Variants in TTC6 observed in about 807,000 individuals in gnomAD.
TTC6 encodes tetratricopeptide repeat protein 6.
TTC6 carries 172 observed loss-of-function variants against 210.4 expected under a neutral mutation model. The observed-to-expected ratio is 0.82, with a 90% CI of 0.72 to 0.93. The LOEUF is 0.93. Ranked by LOEUF, TTC6 falls within the 40% of genes least tolerant of loss-of-function variation. The pLI, the probability that TTC6 is intolerant of heterozygous loss-of-function variation, is 0.00. For synonymous variants in TTC6, 804 were observed against 819.6 expected, an observed-to-expected ratio of 0.98 and a Z score of 0.32; for missense variants, 2,414 against 2,318.1, an observed-to-expected ratio of 1.04 and a Z score of -0.85.
intron 1 of TTC6, among the ~76,000 whole-genome samples, chr14:37,639,402 G>A (rs367739297): frequency 9.2e-5 from 14 of 152,018 alleles, no homozygotes; most frequent in African/African-American, 1.9e-4. Context: ...AGTTTTTGTC[G>A]TCCTCATAGA....
At chr14:37,603,304 A>T (rs756329526) in intron 1 of TTC6, among the ~76,000 whole-genome samples, 26 of 152,172 alleles carry the variant, frequency 1.7e-4, no homozygotes, top group Non-Finnish European at 3.7e-4. Flanking sequence ...GGATTCTGGC[A>T]ATCGTCAGTT....
At chr14:37,605,107 G>A (rs2095622720) in intron 1 of TTC6, among the ~76,000 whole-genome samples, 1 of 152,186 alleles carries the variant, frequency 6.6e-6, no homozygotes. Context: ...AATTAAGACA[G>A]ACAATATAGT....
chr14:37,751,123 C>A, exon 13 of TTC6: 2 of 1,531,236 alleles, frequency 1.3e-6, no homozygotes, highest in Non-Finnish European at 1.7e-6. Flanking sequence ...TAAACTATAC[C>A]CAGGCAATTA....
At chr14:37,626,338 C>T (rs1333875416) in intron 1 of TTC6, among the ~76,000 whole-genome samples, 2 of 152,038 alleles carry the variant, frequency 1.3e-5, no homozygotes, top group South Asian at 2.1e-4. Context: ...TTCTGTCATG[C>T]GTAGTTGTTT....
intron 10 of TTC6, among the ~76,000 whole-genome samples, chr14:37,743,722 T>A (rs1595184897): frequency 6.6e-6 from 1 of 152,180 alleles, no homozygotes; most frequent in Admixed American, 6.5e-5. Flanking sequence ...AGCTTCAAAC[T>A]TAGGTTTAGA....
At chr14:37,671,757 G>T (rs1355628913) in intron 1 of TTC6, among the ~76,000 whole-genome samples, 1 of 152,102 alleles carries the variant, frequency 6.6e-6, no homozygotes. Flanking sequence ...CATGTCGAGG[G>T]AGTGTCCAGT....
At chr14:37,633,732 G>A (rs1166057285) in intron 1 of TTC6, among the ~76,000 whole-genome samples, 1 of 152,164 alleles carries the variant, frequency 6.6e-6, no homozygotes, top group South Asian at 2.1e-4. Flanking sequence ...GAGGCCACTC[G>A]CTCCCTCTTC....
intron 10 of TTC6, among the ~76,000 whole-genome samples, chr14:37,745,384 G>T (rs1466487788): frequency 1.3e-5 from 2 of 152,132 alleles, no homozygotes; most frequent in Non-Finnish European, 2.9e-5. Context: ...TCAAGTCTCT[G>T]ATGGTGCCAC....
chr14:37,780,788 C>G (rs1354335365), intron 14 of TTC6, among the ~76,000 whole-genome samples: 1 of 152,108 alleles, frequency 6.6e-6, no homozygotes, highest in Non-Finnish European at 1.5e-5. Context: ...TAGCCTCCCA[C>G]CCACCATGGA....
At chr14:37,766,521 C>G (rs944591128) in intron 14 of TTC6, among the ~76,000 whole-genome samples, 13 of 152,134 alleles carry the variant, frequency 8.5e-5, no homozygotes, top group African/African-American at 2.9e-4. Context: ...TTTATTCATG[C>G]CACTGCAAAG....
At chr14:37,731,706 G>A (rs1431684090) in intron 7 of TTC6, among the ~76,000 whole-genome samples, 1 of 152,158 alleles carries the variant, frequency 6.6e-6, no homozygotes, top group Non-Finnish European at 1.5e-5. Context: ...TTACCTTAGA[G>A]TCTATCTTTA....
chr14:37,827,440 A>G (rs2096174729), intron 29 of TTC6, 74 bp downstream of exon 31: 2 of 1,394,246 alleles, frequency 1.4e-6, no homozygotes, highest in Admixed American at 2.0e-5. Context: ...TTCAAAGTAT[A>G]ATTCATACAA....
intron 1 of TTC6, among the ~76,000 whole-genome samples, chr14:37,624,863 C>T (rs1024086250): frequency 3.3e-5 from 5 of 152,000 alleles, no homozygotes; most frequent in African/African-American, 4.8e-5. Flanking sequence ...CCTCGTGATC[C>T]GCCCGCCTCG....
intron 30 of TTC6, 61 bp downstream of exon 32, chr14:37,841,731 A>G: frequency 7.7e-7 from 1 of 1,306,396 alleles, no homozygotes; most frequent in Non-Finnish European, 1.1e-6. Flanking sequence ...TTTTTAGGCT[A>G]CAAAAGAAGA....
At chr14:37,751,186 A>G in exon 13 of TTC6, 2 of 1,530,266 alleles carry the variant, frequency 1.3e-6, no homozygotes, top group Non-Finnish European at 1.7e-6. Context: ...AGATGTATGA[A>G]ATAACAAACA....
At chr14:37,785,993 T>C (rs2096066626) in intron 14 of TTC6, among the ~76,000 whole-genome samples, 1 of 152,186 alleles carries the variant, frequency 6.6e-6, no homozygotes, top group South Asian at 2.1e-4. Context: ...GGAAGCTTTG[T>C]CTCAGAGGGG....
At chr14:37,837,298 A>G (rs1221994252) in intron 29 of TTC6, 1 of 408,464 alleles carries the variant, frequency 2.4e-6, no homozygotes, top group Non-Finnish European at 4.8e-6. Flanking sequence ...TTGGTGAATT[A>G]AAATGAAGTC....
intron 1 of TTC6, among the ~76,000 whole-genome samples, chr14:37,642,805 A>C (rs74045686): frequency 0.013 from 1,941 of 152,326 alleles, 37 homozygotes; most frequent in African/African-American, 0.045. Context: ...CTCCTAGACT[A>C]CAAAGCATGT....
Position 37,598,729 on chromosome 14 carries a change from C to T in TTC6, c.-235+2721C>T, listed in dbSNP as rs1181055030. Among the ~76,000 whole-genome samples, 1 of 152,178 alleles carries T rather than the reference C, an allele frequency of 6.6e-6. No individual in the cohort carries two copies. The highest frequency in any genetic ancestry group is 1.5e-5 in the Non-Finnish European group (1 of 68,032). ...ACAGGGTCCTTCCTATTTAGCAGGA[C>T]CGCAGGGTTGGCAGACAGCAGGGCC... On this transcript the variant is annotated intron_variant, in intron 1 of 2. Coordinates refer to the TTC6 transcript ENST00000556845. The surrounding 1 kb of genome is among the most constrained non-coding windows in gnomAD (Gnocchi z 4.9).
Sources: allele counts gnomAD v4.1 joint callset (sites outside exome capture counted in the v4.1 genomes callset), GRCh38; gene constraint gnomAD v4.1.1; non-coding constraint Gnocchi (gnomAD v3.1); transcripts MANE v1.5; gene names NCBI Gene and HGNC (gene_info 2026-07-23, HGNC 2026-07-21).